Variants in ANO4 observed in about 807,000 individuals in gnomAD.
ANO4 encodes anoctamin 4.
In ANO4, 69 loss-of-function variants were observed where a neutral mutation model predicts 141.9. The observed-to-expected ratio is 0.49, with a 90% confidence interval of 0.40 to 0.59. The LOEUF (loss-of-function observed/expected upper bound fraction) is 0.59. ANO4 is among the 20% of genes least tolerant of loss of function. The pLI, the probability that ANO4 is intolerant of heterozygous loss-of-function variation, is 0.00. For synonymous variants in ANO4, 350 were observed against 394.3 expected (o/e 0.89, Z 1.33); for missense variants, 894 against 1,162.2 (o/e 0.77, Z 3.36).
rs376443692 is a variant in ANO4 at position 101,020,000 on chromosome 12, A to G, written c.735-34A>G. ...AAATTAGATCCTTCACCTCCGATTA[A>G]TTCTCAACTTGTATTTTTAATATAT... On this transcript the variant is annotated intron_variant, in intron 8 of 27. Coordinates refer to ENST00000392977, the MANE Select transcript of ANO4 (RefSeq NM_001286615.2). The G allele has an allele frequency of 1.8e-5, 28 of 1,543,956 alleles. No individual in the cohort carries two copies. The African/African-American group carries it at 3.4e-4, about 19-fold the overall frequency.
intron 14 of ANO4, among the ~76,000 whole-genome samples, chr12:101,056,547 GTTTT>G (rs2048126207): frequency 6.6e-6 from 1 of 151,976 alleles, no homozygotes; most frequent in African/African-American, 2.4e-5. Flanking sequence ...AAATAAATAA[GTTTT>G]CTTTCTTTCT....
chr12:100,862,100 A>T (rs1012263131), intron 1 of ANO4, among the ~76,000 whole-genome samples: 38 of 152,070 alleles, frequency 2.5e-4, no homozygotes, highest in African/African-American at 8.5e-4. Context: ...TTAAATTTGT[A>T]TTCTTTTAGA....
chr12:100,892,208 G>A (rs2040139624), intron 1 of ANO4, among the ~76,000 whole-genome samples: 1 of 152,130 alleles, frequency 6.6e-6, no homozygotes, highest in African/African-American at 2.4e-5. Context: ...TGTGTCTAAA[G>A]TTGCAGTGAC....
intron 1 of ANO4, among the ~76,000 whole-genome samples, chr12:100,811,742 C>T (rs189390958): frequency 6.6e-6 from 1 of 152,252 alleles, no homozygotes; most frequent in African/African-American, 2.4e-5. Context: ...GCACAGTCCT[C>T]ATTGTAATTA....
intron 5 of ANO4, among the ~76,000 whole-genome samples, chr12:100,969,734 A>C (rs1204566273): frequency 6.6e-6 from 1 of 152,252 alleles, no homozygotes; most frequent in Non-Finnish European, 1.5e-5. Flanking sequence ...TAGTATAAGG[A>C]AAGTCTAGCC....
intron 8 of ANO4, among the ~76,000 whole-genome samples, chr12:100,995,607 C>T (rs2045334410): frequency 6.6e-6 from 1 of 152,090 alleles, no homozygotes; most frequent in African/African-American, 2.4e-5. Flanking sequence ...CAGCATTGAC[C>T]CATTTCTTTG....
intron 14 of ANO4, chr12:101,069,070 T>A (rs970159835): frequency 2.6e-5 from 25 of 978,066 alleles, no homozygotes; most frequent in African/African-American, 1.4e-4. Flanking sequence ...GCCAGAAATT[T>A]GAATAGCTTT....
At chr12:100,938,769 A>C (rs2042388770) in intron 3 of ANO4, among the ~76,000 whole-genome samples, 1 of 152,172 alleles carries the variant, frequency 6.6e-6, no homozygotes, top group Non-Finnish European at 1.5e-5. Flanking sequence ...GGAAGAAAAA[A>C]GGCCAAAAAT....
intron 1 of ANO4, among the ~76,000 whole-genome samples, chr12:100,840,000 T>G (rs369217730): frequency 9.9e-5 from 15 of 152,232 alleles, no homozygotes; most frequent in African/African-American, 3.1e-4. Context: ...TCTGGTTATT[T>G]TGAATTTTTG....
intron 9 of ANO4, among the ~76,000 whole-genome samples, chr12:101,036,121 T>C (rs1306300886): frequency 6.6e-6 from 1 of 152,138 alleles, no homozygotes; most frequent in Non-Finnish European, 1.5e-5. Flanking sequence ...ATATCACTAA[T>C]CATCAGAGAT....
At chr12:100,823,593 C>T (rs894156429) in intron 1 of ANO4, among the ~76,000 whole-genome samples, 3 of 152,082 alleles carry the variant, frequency 2.0e-5, no homozygotes, top group Non-Finnish European at 2.9e-5. Context: ...ACTAAAATCA[C>T]GAGCCAGATG....
intron 18 of ANO4, among the ~76,000 whole-genome samples, chr12:101,095,639 T>G (rs924237247): frequency 1.3e-5 from 2 of 152,202 alleles, no homozygotes; most frequent in African/African-American, 4.8e-5. Context: ...GCATTTTGAG[T>G]TATAATTTGT....
At chr12:100,981,691 C>A (rs2044470545) in intron 7 of ANO4, among the ~76,000 whole-genome samples, 2 of 152,000 alleles carry the variant, frequency 1.3e-5, no homozygotes, top group African/African-American at 4.8e-5. Context: ...GTGTACAGTC[C>A]CTCCTGGGTT....
chr12:100,779,442 A>C (rs1180129939), intron 3 of ANO4, among the ~76,000 whole-genome samples: 1 of 152,244 alleles, frequency 6.6e-6, no homozygotes, highest in East Asian at 1.9e-4. Flanking sequence ...CAGAAGCATG[A>C]GATGCAGCTT....
At chr12:101,087,001 C>A (rs1238377142) in intron 17 of ANO4, among the ~76,000 whole-genome samples, 177 bp downstream of exon 17, 6 of 152,138 alleles carry the variant, frequency 3.9e-5, no homozygotes, top group Non-Finnish European at 8.8e-5. Flanking sequence ...GCTTAAAAGT[C>A]TTGATTCAAA....
intron 8 of ANO4, among the ~76,000 whole-genome samples, chr12:101,006,198 C>G (rs2045865078): frequency 6.6e-6 from 1 of 152,158 alleles, no homozygotes; most frequent in African/African-American, 2.4e-5. Context: ...CTCATGTTTT[C>G]CTGTTCCTGC....
chr12:100,999,074 C>A (rs1207506167), intron 8 of ANO4, among the ~76,000 whole-genome samples: 1 of 152,318 alleles, frequency 6.6e-6, no homozygotes, highest in East Asian at 1.9e-4. Flanking sequence ...CCAGTCTTAT[C>A]TTTTTAACAT....
At chr12:100,943,846 T>G (rs1490714197) in intron 5 of ANO4, among the ~76,000 whole-genome samples, 1 of 152,224 alleles carries the variant, frequency 6.6e-6, no homozygotes, top group Admixed American at 6.5e-5. Flanking sequence ...TTCTTAACAT[T>G]AATAGCACAT....
At chr12:101,088,378 A>T (rs1042719275) in intron 17 of ANO4, among the ~76,000 whole-genome samples, 16 of 151,836 alleles carry the variant, frequency 1.1e-4, no homozygotes, top group Non-Finnish European at 1.8e-4. Context: ...GCTATCTGAC[A>T]ATTTCCCATC....
Sources: gnomAD v4.1 joint callset for allele counts (sites outside exome capture counted in the v4.1 genomes callset) on GRCh38, gnomAD v4.1.1 for gene constraint, MANE v1.5 for transcripts, NCBI Gene and HGNC (gene_info 2026-07-23, HGNC 2026-07-21) for gene names.